Variants in PDE1C observed in about 807,000 individuals in gnomAD.
PDE1C encodes the protein phosphodiesterase 1C, also known as dual specificity calcium/calmodulin-dependent 3',5'-cyclic nucleotide phosphodiesterase 1C.
Under a neutral mutation model 93.1 loss-of-function variants are expected in PDE1C, and 62 were observed. The observed-to-expected ratio is 0.67, with a 90% CI of 0.54 to 0.82. The LOEUF is 0.82. Among genes scored for constraint, PDE1C ranks in the 40% least tolerant of loss-of-function variants. PDE1C has a pLI of 0.00. For synonymous variants in PDE1C, 325 were observed against 310.1 expected (o/e 1.05, Z -0.50); for missense variants, 742 against 884.6 (o/e 0.84, Z 2.04).
intron 17 of PDE1C, among the ~76,000 whole-genome samples, chr7:31,767,055 T>C (rs1441820964): frequency 6.6e-6 from 1 of 152,180 alleles, no homozygotes; most frequent in Non-Finnish European, 1.5e-5. Flanking sequence ...TCAAATAATC[T>C]CTATATTTTA....
chr7:31,748,215 G>T (rs943209973), downstream of PDE1C, among the ~76,000 whole-genome samples: 1 of 152,210 alleles, frequency 6.6e-6, no homozygotes, highest in Non-Finnish European at 1.5e-5. Context: ...TGCAAAGGCA[G>T]TTTCACAATC....
At chr7:31,631,112 G>A in the PDE1C span, among the ~76,000 whole-genome samples, 1 of 152,136 alleles carries the variant, frequency 6.6e-6, no homozygotes, top group Non-Finnish European at 1.5e-5. Context: ...ATTGTCAGCA[G>A]TTTTATGGCT....
At chr7:31,718,243 G>A in the PDE1C span, among the ~76,000 whole-genome samples, 2 of 152,036 alleles carry the variant, frequency 1.3e-5, no homozygotes, top group African/African-American at 4.8e-5. Flanking sequence ...GGAACCTCTG[G>A]CAACAGGCAG....
At chr7:32,124,560 C>A (rs942732092) in intron 3 of PDE1C, among the ~76,000 whole-genome samples, 1 of 152,148 alleles carries the variant, frequency 6.6e-6, no homozygotes, top group East Asian at 1.9e-4. Flanking sequence ...ACATCTACAA[C>A]CACCTGATCT....
chr7:32,253,747 G>A (rs776277355), intron 1 of PDE1C, among the ~76,000 whole-genome samples: 14 of 152,156 alleles, frequency 9.2e-5, no homozygotes, highest in Non-Finnish European at 1.5e-4. Flanking sequence ...AATAAAGGGC[G>A]CTGCTGCACA....
At chr7:32,028,397 T>G (rs553477919) in intron 2 of PDE1C, among the ~76,000 whole-genome samples, 1 of 152,078 alleles carries the variant, frequency 6.6e-6, no homozygotes, top group Non-Finnish European at 1.5e-5. Context: ...TTCACCAGAG[T>G]CAGCAGTAAC....
intron 1 of PDE1C, among the ~76,000 whole-genome samples, chr7:32,216,725 G>A (rs1806461488): frequency 6.6e-6 from 1 of 152,122 alleles, no homozygotes; most frequent in South Asian, 2.1e-4. Context: ...CAGAAAGACT[G>A]GCTAATTTTT....
intron 1 of PDE1C, among the ~76,000 whole-genome samples, chr7:32,217,381 C>A (rs551869967): frequency 6.6e-6 from 1 of 152,302 alleles, no homozygotes; most frequent in Non-Finnish European, 1.5e-5. Context: ...CTGAGTCCAG[C>A]ATTCTCAGAG....
chr7:31,642,434 G>C, the PDE1C span, among the ~76,000 whole-genome samples: 2 of 152,198 alleles, frequency 1.3e-5, no homozygotes, highest in African/African-American at 2.4e-5. Context: ...AAGGGGCAGA[G>C]GATGATGGAG....
chr7:31,681,474 C>T, the PDE1C span, among the ~76,000 whole-genome samples: 1 of 152,150 alleles, frequency 6.6e-6, no homozygotes, highest in Non-Finnish European at 1.5e-5. Context: ...TCAAAACCAT[C>T]TCTCCTTTCT....
the PDE1C span, among the ~76,000 whole-genome samples, chr7:31,657,345 A>G: frequency 1.8e-4 from 28 of 152,218 alleles, no homozygotes; most frequent in Non-Finnish European, 3.7e-4. Context: ...AGTCCACCAG[A>G]GGAGTCCTGC....
chr7:31,916,603 AC>A (rs1403592789), intron 2 of PDE1C, among the ~76,000 whole-genome samples: 1 of 152,190 alleles, frequency 6.6e-6, no homozygotes, highest in Admixed American at 6.5e-5. Flanking sequence ...AGGACAGGTT[AC>A]GGGGTAGCTT....
intron 1 of PDE1C, among the ~76,000 whole-genome samples, chr7:32,055,513 T>C (rs1014776408): frequency 1.3e-5 from 2 of 152,036 alleles, no homozygotes; most frequent in Non-Finnish European, 2.9e-5. Context: ...AAGGAATGTA[T>C]ACAAAGAAGG....
the PDE1C span, among the ~76,000 whole-genome samples, chr7:31,715,520 T>C: frequency 6.6e-6 from 1 of 152,250 alleles, no homozygotes; most frequent in African/African-American, 2.4e-5. Context: ...ATTACAGGTG[T>C]GAGCCACGGC....
At chr7:32,290,792 A>T (rs1242648455) in intron 1 of PDE1C, among the ~76,000 whole-genome samples, 1 of 152,226 alleles carries the variant, frequency 6.6e-6, no homozygotes, top group Non-Finnish European at 1.5e-5. Flanking sequence ...CATGAAGAAC[A>T]ACCATAAAGT....
chr7:32,155,190 G>C (rs1801496880), intron 3 of PDE1C, among the ~76,000 whole-genome samples: 1 of 152,242 alleles, frequency 6.6e-6, no homozygotes, highest in African/African-American at 2.4e-5. Flanking sequence ...GTGTGGCCCA[G>C]TGGTTAACTG....
At chr7:32,037,185 G>C (rs368694392) in intron 2 of PDE1C, among the ~76,000 whole-genome samples, 1 of 152,104 alleles carries the variant, frequency 6.6e-6, no homozygotes, top group Non-Finnish European at 1.5e-5. Flanking sequence ...TTATTTTAAA[G>C]TGATTCCTGG....
intron 2 of PDE1C, among the ~76,000 whole-genome samples, chr7:31,945,800 T>C (rs1053377759): frequency 2.0e-5 from 3 of 152,208 alleles, no homozygotes; most frequent in African/African-American, 7.2e-5. Context: ...AATTCCAATA[T>C]TGCTTATGTT....
intron 2 of PDE1C, among the ~76,000 whole-genome samples, chr7:32,207,093 G>A (rs1805628976): frequency 6.6e-6 from 1 of 152,160 alleles, no homozygotes; most frequent in African/African-American, 2.4e-5. Flanking sequence ...TGATGGGGCA[G>A]GGGTGGTGAA....
Sources: gnomAD v4.1 joint callset for allele counts (sites outside exome capture counted in the v4.1 genomes callset) on GRCh38, gnomAD v4.1.1 for gene constraint, MANE v1.5 for transcripts, NCBI Gene and HGNC (gene_info 2026-07-23, HGNC 2026-07-21) for gene names.